The following NTRK2 variants were observed in gnomAD, a reference collection of about 807,000 sequenced individuals.
NTRK2 encodes neurotrophic receptor tyrosine kinase 2.
Under a neutral mutation model 94.5 loss-of-function variants are expected in NTRK2, and 13 were observed. That is an observed-to-expected ratio of 0.14 (90% CI 0.09 to 0.22). The LOEUF (loss-of-function observed/expected upper bound fraction) is 0.22, where lower values mean the gene tolerates loss of function less well. Ranked by LOEUF, NTRK2 falls within the 10% of genes least tolerant of loss-of-function variation. NTRK2 has a pLI of 1.00. For missense variants in NTRK2, 639 were observed against 1,071.2 expected, an observed-to-expected ratio of 0.60 and a Z score of 5.63; for synonymous variants, 372 against 407.4, an observed-to-expected ratio of 0.91 and a Z score of 1.05.
rs2118017816 is a variant in NTRK2 at position 85,021,401 on chromosome 9, C to T, written c.2481C>T (p.Ala827=). 1 of 1,614,146 alleles carries T rather than the reference C, an allele frequency of 6.2e-7. No individual in the cohort carries two copies. The highest frequency in any genetic ancestry group is 8.5e-7 in the Non-Finnish European group (1 of 1,180,012). The change falls in exon 19 of 19, where the codon GCC becomes GCT. Residue 827 remains alanine, a synonymous_variant. Transcript: ENST00000277120. ...KGIHTLLQNL[A]KASPVYLDIL... is the part of the protein sequence containing the mutation. ...TCCATACCCTCCTTCAGAACTTGGC[C>T]AAGGCATCTCCGGTCTACCTGGACA... is the stretch of plus-strand genomic sequence containing the variant.
chr9:84,934,339 G>C, intron 15 of NTRK2, 47 bp downstream of exon 15: 2 of 1,607,412 alleles, frequency 1.2e-6, no homozygotes, highest in Non-Finnish European at 1.7e-6. Context: ...TCACACTTAC[G>C]TGTGGAAATT....
At chr9:84,707,735 T>C (rs568165720) in intron 4 of NTRK2, 109 bp from the exon 5 acceptor site, 4 of 852,950 alleles carry the variant, frequency 4.7e-6, no homozygotes, top group South Asian at 2.9e-5. Flanking sequence ...GTAAAGCTTA[T>C]ATAATGATCA....
intron 12 of NTRK2, among the ~76,000 whole-genome samples, chr9:84,855,057 G>A (rs1181728704): frequency 6.6e-6 from 1 of 152,044 alleles, no homozygotes; most frequent in East Asian, 1.9e-4. Flanking sequence ...GCTGTTTCAT[G>A]GGGAATGAGG....
chr9:85,020,891 A>G (rs937307011), intron 18 of NTRK2, among the ~76,000 whole-genome samples: 4 of 152,160 alleles, frequency 2.6e-5, no homozygotes, highest in African/African-American at 7.2e-5. Context: ...CCTTTATCCA[A>G]TAGCCTGAGA....
chr9:84,728,380 A>G (rs866003313), intron 9 of NTRK2, among the ~76,000 whole-genome samples: 11 of 152,202 alleles, frequency 7.2e-5, no homozygotes, highest in African/African-American at 2.7e-4. Context: ...AATTTTGAAC[A>G]GTTATCTGAT....
At chr9:84,756,147 ATAT>A (rs2065064320) in intron 12 of NTRK2, among the ~76,000 whole-genome samples, 1 of 152,200 alleles carries the variant, frequency 6.6e-6, no homozygotes, top group Non-Finnish European at 1.5e-5. Flanking sequence ...AAAATGCATA[ATAT>A]TATCCCTTTT....
chr9:84,694,091 G>A (rs1236713870), intron 2 of NTRK2, among the ~76,000 whole-genome samples: 4 of 152,302 alleles, frequency 2.6e-5, no homozygotes, highest in Middle Eastern at 6.8e-3. Flanking sequence ...TGAAGGTGCT[G>A]GATTTACAAG....
At chr9:84,863,086 A>G (rs887515619) in intron 13 of NTRK2, among the ~76,000 whole-genome samples, 1 of 152,202 alleles carries the variant, frequency 6.6e-6, no homozygotes, top group East Asian at 1.9e-4. Flanking sequence ...CAGGATTAGC[A>G]CGGCCCCAGA....
intron 12 of NTRK2, among the ~76,000 whole-genome samples, chr9:84,830,280 C>T (rs1053708189): frequency 7.9e-5 from 12 of 152,206 alleles, no homozygotes; most frequent in African/African-American, 2.4e-4. Context: ...TTCTTGTATA[C>T]AGTTTCCTGT....
In NTRK2 at chr9:85,023,767, AC is replaced by A. The variant is rs1298541867; in HGVS notation, c.*2331del. The A allele has an allele frequency of 4.3e-6, 1 of 230,716 alleles. No homozygotes were observed. Among genetic ancestry groups the A allele is most frequent in the Non-Finnish European group, 8.6e-6 (1 of 116,614 alleles). The allele number at this position is 230,716 out of a possible 1,614,324, so 14.3% of individuals were successfully genotyped here. A position where few individuals can be genotyped will look rare whatever the true frequency, so the allele number is the denominator to read the frequency against. ...AAGGAAGGGGCAGATTTGTACAAAA[AC>A]TTTTCTAGATTCCATCAGCAAAAAC... On this transcript the variant is annotated 3_prime_UTR_variant, in exon 19 of 19. Coordinates refer to ENST00000277120, the MANE Select transcript of NTRK2 (RefSeq NM_006180.6).
intron 14 of NTRK2, among the ~76,000 whole-genome samples, chr9:84,903,862 T>A (rs1008863668): frequency 1.3e-5 from 2 of 152,156 alleles, no homozygotes; most frequent in African/African-American, 4.8e-5. Flanking sequence ...CGAGTATTTT[T>A]CTAAGCAGAT....
At chr9:84,683,319 G>T (rs1486910252) in intron 2 of NTRK2, among the ~76,000 whole-genome samples, 5 of 151,972 alleles carry the variant, frequency 3.3e-5, no homozygotes, top group Non-Finnish European at 5.9e-5. Context: ...TTGGGTATTT[G>T]TCCTAATGAT....
intron 12 of NTRK2, among the ~76,000 whole-genome samples, chr9:84,856,047 C>T (rs556194666): frequency 2.6e-5 from 4 of 152,244 alleles, no homozygotes; most frequent in African/African-American, 4.8e-5. Context: ...AAGGGAAATA[C>T]GAATTTCAGA....
intron 16 of NTRK2, 91 bp from the exon 17 acceptor site, chr9:84,955,192 T>C: frequency 9.2e-7 from 1 of 1,082,638 alleles, no homozygotes. Context: ...GGTGAGGAGC[T>C]TAGCAAGAGG....
chr9:84,979,697 G>T (rs1465064795), intron 17 of NTRK2, among the ~76,000 whole-genome samples: 1 of 152,182 alleles, frequency 6.6e-6, no homozygotes, highest in Non-Finnish European at 1.5e-5. Context: ...ATATTACAGA[G>T]AAATCTTTTG....
chr9:84,997,938 T>C (rs957528961), intron 17 of NTRK2, among the ~76,000 whole-genome samples: 7 of 152,176 alleles, frequency 4.6e-5, no homozygotes, highest in Admixed American at 6.5e-5. Context: ...TTTGCTATGC[T>C]CCAGCCCCTG....
chr9:84,824,034 C>G (rs2073027419), intron 12 of NTRK2, among the ~76,000 whole-genome samples: 1 of 152,160 alleles, frequency 6.6e-6, no homozygotes. Context: ...TGATTTGAGC[C>G]AAAGCCTTGT....
intron 14 of NTRK2, among the ~76,000 whole-genome samples, chr9:84,933,503 T>G (rs2132710141): frequency 6.6e-6 from 1 of 152,324 alleles, no homozygotes; most frequent in East Asian, 1.9e-4. Flanking sequence ...TTGTCTCTTC[T>G]TGGCCTTGGA....
At position 84,844,649 on chromosome 9, in the gene NTRK2, TCACACACACACA is replaced by T. The variant is rs10562034; in HGVS notation, c.1397-16357_1397-16346del. Among the ~76,000 whole-genome samples, 241 of 140,920 alleles carry T rather than the reference TCACACACACACA, an allele frequency of 1.7e-3. 1 individual carries two copies. Among genetic ancestry groups the T allele is most frequent in the South Asian group, 0.013 (52 of 4,118 alleles). The allele number at this position is 140,920 out of a possible 152,430, so 92.4% of individuals were successfully genotyped here. On this transcript the variant is annotated intron_variant, in intron 12 of 18. Coordinates refer to ENST00000277120, the MANE Select transcript of NTRK2 (RefSeq NM_006180.6). ...TGAAAACTACAATGTAATACCTCAC[TCACACACACACA>T]CACACACACACACACACACACACAC...
Sources: gnomAD v4.1 joint callset for allele counts (sites outside exome capture counted in the v4.1 genomes callset) on GRCh38, gnomAD v4.1.1 for gene constraint, MANE v1.5 for transcripts, NCBI Gene and HGNC (gene_info 2026-07-23, HGNC 2026-07-21) for gene names.